HEATR5A: variants seen among roughly 807,000 people sequenced by gnomAD.
The protein encoded by HEATR5A is HEAT repeat-containing protein 5A.
In HEATR5A, 178 loss-of-function variants were observed where a neutral mutation model predicts 218.8. That is an observed-to-expected ratio of 0.81 (90% CI 0.72 to 0.92). The LOEUF is 0.92. Among genes scored for constraint, HEATR5A ranks in the 40% least tolerant of loss-of-function variants. The probability of loss-of-function intolerance (pLI) is 0.00; values close to 1 mark genes in which losing one functional copy is unlikely to be tolerated. For missense variants in HEATR5A, 2,420 were observed against 2,418.9 expected (o/e 1.00, Z -0.01); for synonymous variants, 864 against 871.6 (o/e 0.99, Z 0.15).
At chr14:31,374,001 T>C (rs1406139481) in intron 12 of HEATR5A, among the ~76,000 whole-genome samples, 2 of 152,134 alleles carry the variant, frequency 1.3e-5, no homozygotes, top group African/African-American at 2.4e-5. Context: ...GTATATAATA[T>C]ATACAACATA....
intron 1 of HEATR5A, among the ~76,000 whole-genome samples, chr14:31,412,852 C>T (rs183670231): frequency 9.9e-4 from 150 of 152,214 alleles, no homozygotes; most frequent in Middle Eastern, 3.4e-3. Context: ...CCAGCCTGGG[C>T]AACAAGAGCC....
Position 31,318,296 on chromosome 14 carries a change from G to GC in HEATR5A, c.3970-5dup. The GC allele has an allele frequency of 6.2e-7, 1 of 1,612,122 alleles. No individual in the cohort carries two copies. Among genetic ancestry groups the GC allele is most frequent in the Non-Finnish European group, 8.5e-7 (1 of 1,178,382 alleles). ...CTGGTCTAAGCGCTGCTCCTACCTG[G>GC]CAAGAAATTACATGACATATCAAAC... On this transcript the variant is annotated splice_polypyrimidine_tract_variant and splice_region_variant and intron_variant, in intron 25 of 35. Transcript: ENST00000543095.
At position 31,313,168 on chromosome 14, in the gene HEATR5A, C is replaced by G. The variant is rs1899810881; in HGVS notation, c.4241G>C (p.Arg1414Thr). 1.9e-6 allele frequency: 3 copies of G among 1,613,236 alleles called. No individual in the cohort carries two copies. Among genetic ancestry groups the G allele is most frequent in the Middle Eastern group, 1.7e-4 (1 of 6,060 alleles). Residue 1414 changes from arginine (R) to threonine (T), a missense_variant, in exon 28 of 36, where the codon AGA (arginine) becomes ACA (threonine). Arg to Thr is a moderately conservative substitution (Grantham distance 71). Coordinates refer to ENST00000543095, the MANE Select transcript of HEATR5A (RefSeq NM_015473.4). ...CAAAGGTTGTCTGTGGTTTTTATGT[C>G]TTTGCACAGCAATTATGTAGACCTG... The part of the protein sequence containing the change: ...WAEVYIIAVQ[R>T]HKNHRQPLKT...
In HEATR5A at chr14:31,312,505, C is replaced by T. The variant is rs532634959; in HGVS notation, c.4441+463G>A. 2.2e-3 allele frequency among the ~76,000 whole-genome samples: 338 copies of T among 151,602 alleles called. 1 individual carries two copies. Among genetic ancestry groups the T allele is most frequent in the Admixed American group, 4.5e-3 (69 of 15,220 alleles). On this transcript the variant is annotated intron_variant, in intron 28 of 35. Transcript: ENST00000543095. The stretch of plus-strand genomic sequence containing the variant: ...TCAGCTCACTGCAACTTCAGCCTCC[C>T]GGGTTCAAGCAATCCTCCTGCCTCA...
At chr14:31,298,476 T>A (rs1420697450) in intron 33 of HEATR5A, among the ~76,000 whole-genome samples, 3 of 152,146 alleles carry the variant, frequency 2.0e-5, no homozygotes. Context: ...TATTATTATT[T>A]GTAGAGACAG....
intron 5 of HEATR5A, among the ~76,000 whole-genome samples, chr14:31,394,572 T>C (rs548345917): frequency 1.3e-5 from 2 of 152,154 alleles, no homozygotes; most frequent in Admixed American, 6.5e-5. Context: ...TCCCAGCACT[T>C]TGGGAGGCCA....
chr14:31,375,331 T>C (rs1238630797), intron 11 of HEATR5A, among the ~76,000 whole-genome samples: 1 of 152,194 alleles, frequency 6.6e-6, no homozygotes, highest in African/African-American at 2.4e-5. Flanking sequence ...TTTAAAGTAC[T>C]CTGAAAAGCT....
chr14:31,324,146 T>C (rs770875784), intron 23 of HEATR5A, among the ~76,000 whole-genome samples: 2 of 151,860 alleles, frequency 1.3e-5, no homozygotes, highest in Non-Finnish European at 2.9e-5. Flanking sequence ...TGCAAGTAGA[T>C]GGATGTACTT....
rs1900262882 is a variant in HEATR5A at position 31,326,280 on chromosome 14, C to T, written c.3430G>A (p.Asp1144Asn). 8.7e-6 allele frequency: 14 copies of T among 1,613,340 alleles called. No individual in the cohort carries two copies. Among genetic ancestry groups the T allele is most frequent in the Non-Finnish European group, 1.2e-5 (14 of 1,179,402 alleles). ...ALLILLDKET[D>N]ERLCHDIKET... ...TTGATATCATGGCATAATCTCTCAT[C>T]TGTCTCCTTGTCTAGTAAGATCAAC... The change falls in exon 23 of 36, where the codon GAT becomes AAT. Residue 1144 changes from aspartate (D) to asparagine (N), a missense_variant. By Grantham distance (23) the Asp-to-Asn change is conservative. Transcript: ENST00000543095.
chr14:31,359,316 G>A (rs1412038827), intron 14 of HEATR5A, among the ~76,000 whole-genome samples: 3 of 150,872 alleles, frequency 2.0e-5, no homozygotes, highest in Non-Finnish European at 4.4e-5. Context: ...GTGTGTGTGT[G>A]TGTGTGTGTA....
intron 32 of HEATR5A, among the ~76,000 whole-genome samples, chr14:31,303,376 T>G (rs1341379929): frequency 1.3e-5 from 2 of 152,154 alleles, no homozygotes; most frequent in African/African-American, 2.4e-5. Context: ...GAGGTTGCAG[T>G]GAGCTGAGAT....
At position 31,379,875 on chromosome 14, in the gene HEATR5A, T is replaced by C. The variant is rs547828123; in HGVS notation, c.1708+592A>G. On this transcript the variant is annotated intron_variant, in intron 11 of 35. Coordinates refer to ENST00000543095, the MANE Select transcript of HEATR5A (RefSeq NM_015473.4). ...TGGGAGGCTTAGGTAGGAGGATCAC[T>C]TGGGCCCAGGAGGTCAAGGCTGCAG... Among the ~76,000 whole-genome samples the C allele has an allele frequency of 1.8e-4, 28 of 152,242 alleles. 2 individuals are homozygous for C. The South Asian group carries it at 5.4e-3, about 29-fold the overall frequency.
chr14:31,338,787 G>A (rs769874933), intron 21 of HEATR5A, among the ~76,000 whole-genome samples: 2 of 152,060 alleles, frequency 1.3e-5, no homozygotes, highest in African/African-American at 2.4e-5. Flanking sequence ...AATTTTGGGA[G>A]GAAATAAAAG....
chr14:31,317,669 C>A (rs1276824402), intron 26 of HEATR5A, among the ~76,000 whole-genome samples: 2 of 152,078 alleles, frequency 1.3e-5, no homozygotes. Flanking sequence ...TTGTATGGCT[C>A]TTAAGTATAT....
At chr14:31,316,219 C>G (rs1316957661) in intron 26 of HEATR5A, among the ~76,000 whole-genome samples, 1 of 152,002 alleles carries the variant, frequency 6.6e-6, no homozygotes, top group Admixed American at 6.6e-5. Context: ...GAGTGTGAGG[C>G]CACAGTGAGC....
At chr14:31,414,030 T>C (rs2031368929) in intron 1 of HEATR5A, among the ~76,000 whole-genome samples, 1 of 152,256 alleles carries the variant, frequency 6.6e-6, no homozygotes. Flanking sequence ...CCTTTCCATC[T>C]AGACGGCAAA....
chr14:31,353,446 G>C (rs1258540234), intron 16 of HEATR5A, among the ~76,000 whole-genome samples: 1 of 152,012 alleles, frequency 6.6e-6, no homozygotes, highest in Non-Finnish European at 1.5e-5. Context: ...TAAGTATCTT[G>C]CATATGAAAA....
chr14:31,304,999 A>C lies in HEATR5A; in HGVS notation c.5145T>G (p.Ala1715=). The C allele has an allele frequency of 6.2e-7, 1 of 1,613,968 alleles. No homozygotes were observed. ...CTTCTAATAGTATCTGTGGCTTCGT[A>C]GCTTTTACTCCTGGGCTACCTGTCA... ...PKLTGSPGVK[A]TKPQILLEDG... The change falls in exon 32 of 36, where the codon GCT becomes GCG. Residue 1715 remains alanine, a synonymous_variant. Coordinates refer to ENST00000543095, the MANE Select transcript of HEATR5A (RefSeq NM_015473.4).
In HEATR5A at chr14:31,292,822, C is replaced by G. The variant is rs1899065465; in HGVS notation, c.*483G>C. On this transcript the variant is annotated 3_prime_UTR_variant, in exon 36 of 36. Coordinates refer to ENST00000543095, the MANE Select transcript of HEATR5A (RefSeq NM_015473.4). ...GGTCTCAAACTCCCGACTTCGTGAT[C>G]CGCCCGCCTTGGCCTTCCAAAGTGC... 6.5e-6 allele frequency: 1 copy of G among 152,736 alleles called. No individual in the cohort carries two copies. Among genetic ancestry groups the G allele is most frequent in the South Asian group, 2.1e-4 (1 of 4,860 alleles). The allele number at this position is 152,736 out of a possible 1,614,324, so 9.5% of individuals were successfully genotyped here. A position where few individuals can be genotyped will look rare whatever the true frequency, so the allele number is the denominator to read the frequency against.
Sources: allele counts gnomAD v4.1 joint callset (sites outside exome capture counted in the v4.1 genomes callset), GRCh38; gene constraint gnomAD v4.1.1; transcripts MANE v1.5; gene names NCBI Gene and HGNC (gene_info 2026-07-23, HGNC 2026-07-21).